The following NEGR1 variants were observed in gnomAD, a reference collection of about 807,000 sequenced individuals.
NEGR1 encodes IgLON family member 4.
In NEGR1, 10 loss-of-function variants were observed where a neutral mutation model predicts 40.9. The ratio of observed to expected loss-of-function variants is 0.24; its 90% CI spans 0.15 to 0.42. The LOEUF (loss-of-function observed/expected upper bound fraction) is 0.42, where lower values mean the gene tolerates loss of function less well. Ranked by LOEUF, NEGR1 falls within the 10% of genes least tolerant of loss-of-function variation. The pLI is 1.00. For missense variants in NEGR1, 352 were observed against 438.9 expected (o/e 0.80, Z 1.77); for synonymous variants, 185 against 166.8 (o/e 1.11, Z -0.84).
intron 4 of NEGR1, among the ~76,000 whole-genome samples, chr1:71,672,870 C>A (rs1033255040): frequency 6.6e-6 from 1 of 152,120 alleles, no homozygotes; most frequent in African/African-American, 2.4e-5. Flanking sequence ...TGGAATCCAG[C>A]ACACAACACC....
At chr1:72,240,998 T>C (rs1458782569) in intron 1 of NEGR1, among the ~76,000 whole-genome samples, 1 of 151,832 alleles carries the variant, frequency 6.6e-6, no homozygotes, top group Non-Finnish European at 1.5e-5. Flanking sequence ...AAAAACTGCA[T>C]TGACAGGATT....
chr1:71,488,110 G>A (rs1646900116), intron 6 of NEGR1: 1 of 151,956 alleles, frequency 6.6e-6, no homozygotes, highest in South Asian at 2.1e-4. Context: ...GAAGGAGGCA[G>A]TGGTGTGTGG....
intron 1 of NEGR1, among the ~76,000 whole-genome samples, chr1:72,085,504 G>C (rs912943010): frequency 2.6e-5 from 4 of 152,182 alleles, no homozygotes; most frequent in Non-Finnish European, 5.9e-5. Context: ...AACTAGGTGT[G>C]TTCTGCACAT....
At chr1:71,936,378 A>T (rs2100233625) in intron 1 of NEGR1, among the ~76,000 whole-genome samples, 1 of 152,328 alleles carries the variant, frequency 6.6e-6, no homozygotes, top group Middle Eastern at 3.4e-3. Flanking sequence ...TACAAGTTTT[A>T]GTCTAGCGAG....
chr1:72,058,256 TAA>T (rs1447283496), intron 1 of NEGR1, among the ~76,000 whole-genome samples: 5 of 151,502 alleles, frequency 3.3e-5, no homozygotes, highest in African/African-American at 9.7e-5. Flanking sequence ...ATGTATCTAA[TAA>T]GTTTTTTTTT....
intron 1 of NEGR1, among the ~76,000 whole-genome samples, chr1:72,075,387 A>G (rs1199684435): frequency 6.6e-6 from 1 of 152,204 alleles, no homozygotes; most frequent in Non-Finnish European, 1.5e-5. Context: ...CTAATTTACT[A>G]AAAACAGCTT....
chr1:72,216,388 T>TATATATATATAC (rs1222484944), intron 1 of NEGR1, among the ~76,000 whole-genome samples: 280 of 132,324 alleles, frequency 2.1e-3, no homozygotes, highest in African/African-American at 8.5e-3. Context: ...TATATACATA[T>TATATATATATAC]ATATATATAT....
chr1:71,713,067 T>C (rs1334943710), intron 3 of NEGR1, among the ~76,000 whole-genome samples: 5 of 152,220 alleles, frequency 3.3e-5, no homozygotes, highest in African/African-American at 1.2e-4. Context: ...ATACAGCCAG[T>C]ATATTATAAA....
chr1:71,874,279 A>G (rs1660363276), intron 2 of NEGR1, among the ~76,000 whole-genome samples: 1 of 152,186 alleles, frequency 6.6e-6, no homozygotes, highest in Non-Finnish European at 1.5e-5. Context: ...GCACTCTATG[A>G]AAGTGCATTA....
At chr1:71,529,277 T>C (rs10218740) in intron 6 of NEGR1, among the ~76,000 whole-genome samples, 6,110 of 151,332 alleles carry the variant, frequency 0.04, 405 homozygotes, top group African/African-American at 0.14. Flanking sequence ...GCTAAGTGAA[T>C]ACTGGTAGGA....
At chr1:72,037,628 C>A (rs761422224) in intron 1 of NEGR1, among the ~76,000 whole-genome samples, 16 of 152,146 alleles carry the variant, frequency 1.1e-4, no homozygotes, top group Non-Finnish European at 1.8e-4. Flanking sequence ...ATGTAGAGAG[C>A]AAATAACAGA....
At chr1:71,872,895 C>CT (rs1174894348) in intron 2 of NEGR1, among the ~76,000 whole-genome samples, 1 of 152,078 alleles carries the variant, frequency 6.6e-6, no homozygotes, top group African/African-American at 2.4e-5. Context: ...GTTGTTCTCT[C>CT]TCTTTTTACT....
chr1:71,437,391 A>C (rs1646516893), intron 6 of NEGR1, among the ~76,000 whole-genome samples: 1 of 152,126 alleles, frequency 6.6e-6, no homozygotes, highest in African/African-American at 2.4e-5. Context: ...TGACTTGTAT[A>C]TTTTCAATGG....
intron 1 of NEGR1, among the ~76,000 whole-genome samples, chr1:72,181,170 TGGGCTTCTGAGCA>T (rs1275235977): frequency 6.6e-6 from 1 of 152,212 alleles, no homozygotes; most frequent in African/African-American, 2.4e-5. Context: ...TGAATGTCCA[TGGGCTTCTGAGCA>T]GGGTTTCAGT....
chr1:71,886,317 G>C (rs1223084967), intron 2 of NEGR1, among the ~76,000 whole-genome samples: 1 of 152,070 alleles, frequency 6.6e-6, no homozygotes, highest in East Asian at 1.9e-4. Flanking sequence ...ACTAATTTAA[G>C]AATAGTAAAA....
At chr1:71,536,592 C>A (rs959243819) in intron 6 of NEGR1, among the ~76,000 whole-genome samples, 8 of 151,690 alleles carry the variant, frequency 5.3e-5, no homozygotes, top group Non-Finnish European at 1.0e-4. Flanking sequence ...GCAGGTATTC[C>A]TTTACAGCAA....
intron 1 of NEGR1, among the ~76,000 whole-genome samples, chr1:71,989,890 C>T (rs1646434958): frequency 6.6e-6 from 1 of 152,004 alleles, no homozygotes; most frequent in Non-Finnish European, 1.5e-5. Context: ...TTTTTAATCA[C>T]TCATCATATG....
chr1:72,230,899 C>T (rs1443580250), intron 1 of NEGR1, among the ~76,000 whole-genome samples: 1 of 152,104 alleles, frequency 6.6e-6, no homozygotes, highest in Non-Finnish European at 1.5e-5. Flanking sequence ...GAGTCATTCA[C>T]AAATATATAT....
chr1:72,242,654 C>CAA (rs1654783625), intron 1 of NEGR1, among the ~76,000 whole-genome samples: 1 of 151,592 alleles, frequency 6.6e-6, no homozygotes, highest in Non-Finnish European at 1.5e-5. Flanking sequence ...TAATTGCTAA[C>CAA]ATTTATCAGG....
Sources: allele counts gnomAD v4.1 joint callset (sites outside exome capture counted in the v4.1 genomes callset), GRCh38; gene constraint gnomAD v4.1.1; transcripts MANE v1.5; gene names NCBI Gene and HGNC (gene_info 2026-07-23, HGNC 2026-07-21).